OPA1: variants seen among roughly 807,000 people sequenced by gnomAD.
OPA1 encodes OPA1 mitochondrial dynamin like GTPase, also known as dynamin-like GTPase OPA1, mitochondrial.
A neutral mutation model predicts 152.9 loss-of-function variants in OPA1; 59 were observed. The ratio of observed to expected loss-of-function variants is 0.39; its 90% CI spans 0.31 to 0.48. The LOEUF is 0.48. Among genes scored for constraint, OPA1 ranks in the 20% least tolerant of loss-of-function variants. The pLI is 0.96. For missense variants in OPA1, 1,008 were observed against 1,216.8 expected (o/e 0.83, Z 2.55); for synonymous variants, 400 against 389.9 (o/e 1.03, Z -0.31).
At chr3:193,641,265 C>T (rs541036159) in intron 11 of OPA1, among the ~76,000 whole-genome samples, 9 of 152,110 alleles carry the variant, frequency 5.9e-5, no homozygotes, top group Non-Finnish European at 8.8e-5. Flanking sequence ...GGTCTCTTTC[C>T]GGTTTGTCAT....
rs373522599 is a variant in OPA1 at position 193,654,958 on chromosome 3, T to C, written c.2109T>C (p.Thr703=). The change falls in exon 22 of 31, where the codon ACT becomes ACC. Residue 703 remains threonine, a synonymous_variant. Coordinates refer to ENST00000361510, the MANE Select transcript of OPA1 (RefSeq NM_130837.3). ...LPAAQTMNSG[T]FNTTVDIKLK... is the part of the protein sequence containing the mutation. Reference sequence around the variant, plus strand: ...CTGCGCAGACCATGAATTCAGGAACTTTTAACACCACAGTGGATATCAAGC... The same window carrying C: ...CTGCGCAGACCATGAATTCAGGAACCTTTAACACCACAGTGGATATCAAGC... 4.5e-5 allele frequency: 73 copies of C among 1,613,884 alleles called. No homozygotes were observed. The highest frequency in any genetic ancestry group is 5.9e-5 in the Non-Finnish European group (70 of 1,179,962).
At chr3:193,611,808 G>A (rs965075920) in intron 1 of OPA1, among the ~76,000 whole-genome samples, 1 of 151,522 alleles carries the variant, frequency 6.6e-6, no homozygotes, top group Non-Finnish European at 1.5e-5. Context: ...ATTTCTAAGC[G>A]ACTTCTGTAA....
chr3:193,645,498 T>C (rs1287241611), intron 16 of OPA1, 55 bp from the exon 17 acceptor site: 2 of 1,401,196 alleles, frequency 1.4e-6, no homozygotes, highest in African/African-American at 1.4e-5. Context: ...ATATTACGCT[T>C]TTAAAACTTA....
chr3:193,639,701 C>T lies in OPA1; in HGVS notation c.1149+1636C>T, dbSNP rs564621438. Among the ~76,000 whole-genome samples, 10 of 152,292 alleles carry T rather than the reference C, an allele frequency of 6.6e-5. No homozygotes were observed. In the East Asian group the frequency reaches 7.7e-4, roughly 12 times the overall value. ...AAAATGGAAAGCCAGTGCAGGATTTCGAGCAAAGTAACAAAAGTGCCTTTT... is the reference window on the plus strand; with the variant it reads ...AAAATGGAAAGCCAGTGCAGGATTTTGAGCAAAGTAACAAAAGTGCCTTTT... On this transcript the variant is annotated intron_variant, in intron 11 of 30. Coordinates refer to ENST00000361510, the MANE Select transcript of OPA1 (RefSeq NM_130837.3).
chr3:193,688,449 C>CTTTTTTTTT lies in OPA1; in HGVS notation c.2984-3575_2984-3567dup, dbSNP rs766448341. 6.8e-4 allele frequency among the ~76,000 whole-genome samples: 43 copies of CTTTTTTTTT among 63,340 alleles called. 3 individuals are homozygous for CTTTTTTTTT. The highest frequency in any genetic ancestry group is 1.1e-3 in the East Asian group (2 of 1,750). 41.6% of individuals were successfully genotyped at this position (63,340 alleles called of 152,430 possible). A position where few individuals can be genotyped will look rare whatever the true frequency, so the allele number is the denominator to read the frequency against. On this transcript the variant is annotated intron_variant, in intron 29 of 30. Transcript: ENST00000361510. ...TGATTTTTACTGAAATGGGTCTTTT[C>CTTTTTTTTT]TTTTTTTTTTTTTTTTTTTTTTTTT...
intron 18 of OPA1, 97 bp from the exon 19 acceptor site, chr3:193,646,968 G>A: frequency 4.1e-6 from 3 of 737,822 alleles, no homozygotes; most frequent in Admixed American, 2.1e-5. Context: ...AAAGGTAAGA[G>A]TGGCTGTTAG....
At chr3:193,653,645 A>G (rs1713076994) in intron 21 of OPA1, among the ~76,000 whole-genome samples, 1 of 152,152 alleles carries the variant, frequency 6.6e-6, no homozygotes, top group Non-Finnish European at 1.5e-5. Context: ...TGTTACCTTA[A>G]TCATGAATTA....
At chr3:193,646,812 T>G (rs949985590) in intron 18 of OPA1, among the ~76,000 whole-genome samples, 1 of 152,088 alleles carries the variant, frequency 6.6e-6, no homozygotes, top group African/African-American at 2.4e-5. Flanking sequence ...AAATTTAAAT[T>G]AGTTAAAATT....
At position 193,697,570 on chromosome 3, in the gene OPA1, GTTTTAACGAGGGAA is replaced by G. The variant is rs1383892491; in HGVS notation, c.*2971_*2984del. On this transcript the variant is annotated 3_prime_UTR_variant, in exon 31 of 31. Coordinates refer to ENST00000361510, the MANE Select transcript of OPA1 (RefSeq NM_130837.3). ...GAGAGCATCTTTTAAATTTTTTTCT[GTTTTAACGAGGGAA>G]AGAGAAACCTGTATACCTAGGGTCA... The G allele has an allele frequency of 6.6e-6, 1 of 151,984 alleles. No individual in the cohort carries two copies. The highest frequency in any genetic ancestry group is 1.9e-4 in the East Asian group (1 of 5,192). The allele number at this position is 151,984 out of a possible 1,614,324, so 9.4% of individuals were successfully genotyped here. A position where few individuals can be genotyped will look rare whatever the true frequency, so the allele number is the denominator to read the frequency against.
intron 29 of OPA1, among the ~76,000 whole-genome samples, chr3:193,681,947 C>T (rs1158750392): frequency 1.3e-5 from 2 of 152,124 alleles, no homozygotes. Flanking sequence ...ACAATGGCCT[C>T]TACATGTTCA....
At chr3:193,600,154 C>T (rs1293809988) in intron 1 of OPA1, among the ~76,000 whole-genome samples, 4 of 152,196 alleles carry the variant, frequency 2.6e-5, no homozygotes, top group African/African-American at 7.2e-5. Flanking sequence ...ATATTTAGTT[C>T]GCTTTAACAA....
chr3:193,649,856 A>G (rs1428851285), intron 21 of OPA1, among the ~76,000 whole-genome samples: 2 of 152,156 alleles, frequency 1.3e-5, no homozygotes, highest in African/African-American at 2.4e-5. Context: ...TTATGACACA[A>G]CTTATGTTTG....
intron 23 of OPA1, among the ~76,000 whole-genome samples, chr3:193,658,364 A>G (rs1250378128): frequency 6.6e-6 from 1 of 152,192 alleles, no homozygotes; most frequent in Non-Finnish European, 1.5e-5. Context: ...AAAATTTGGA[A>G]GCCAATTTTC....
At chr3:193,668,707 TTAAC>T (rs1717256417) in intron 29 of OPA1, 2 of 1,356,300 alleles carry the variant, frequency 1.5e-6, no homozygotes, top group African/African-American at 2.9e-5. Context: ...AGGTCAGGCA[TTAAC>T]ACCTGCAGTA....
In OPA1 at chr3:193,642,836, A is replaced by G; in HGVS notation, c.1221A>G (p.Lys407=). The change falls in exon 12 of 31, where the codon AAA becomes AAG. Residue 407 remains lysine (K), a synonymous_variant. Transcript: ENST00000361510. ...KDSSREFDLT[K]EEDLAALRHE... ...GTTCTCGGGAGTTTGATCTTACCAA[A>G]GAAGAAGATGTAAGTAAAATTCATC... 1 of 1,612,262 alleles carries G rather than the reference A, an allele frequency of 6.2e-7. No homozygotes were observed.
chr3:193,673,031 G>A (rs906896230), intron 29 of OPA1, among the ~76,000 whole-genome samples: 5 of 152,062 alleles, frequency 3.3e-5, no homozygotes, highest in Non-Finnish European at 5.9e-5. Flanking sequence ...TGCTTTATGT[G>A]AATTTTCATT....
chr3:193,652,929 C>G (rs775687034), intron 21 of OPA1, among the ~76,000 whole-genome samples: 2 of 152,046 alleles, frequency 1.3e-5, no homozygotes, highest in Non-Finnish European at 2.9e-5. Context: ...AAAAGGGTGT[C>G]AGGGATATGG....
chr3:193,672,471 C>T (rs1399616372), intron 29 of OPA1, among the ~76,000 whole-genome samples: 1 of 152,162 alleles, frequency 6.6e-6, no homozygotes, highest in Non-Finnish European at 1.5e-5. Flanking sequence ...AACCCTTGTT[C>T]ACTAAAGCCT....
intron 18 of OPA1, 147 bp from the exon 19 acceptor site, chr3:193,646,918 T>C: frequency 1.7e-6 from 1 of 604,380 alleles, no homozygotes; most frequent in South Asian, 2.0e-5. Flanking sequence ...TTGGAATGTT[T>C]TCCTCCTCAC....
Sources: allele counts gnomAD v4.1 joint callset (sites outside exome capture counted in the v4.1 genomes callset), GRCh38; gene constraint gnomAD v4.1.1; transcripts MANE v1.5; gene names NCBI Gene and HGNC (gene_info 2026-07-23, HGNC 2026-07-21).